The following STAC variants were observed in gnomAD, a reference collection of about 807,000 sequenced individuals.
The protein encoded by STAC is SH3 and cysteine rich domain.
STAC carries 43 observed loss-of-function variants against 48.8 expected under a neutral mutation model. The observed-to-expected ratio is 0.88, with a 90% CI of 0.69 to 1.14. The LOEUF is 1.14. STAC is among the 50% of genes most tolerant of loss of function. STAC has a pLI of 0.00. For missense variants in STAC, 497 were observed against 504.0 expected, an observed-to-expected ratio of 0.99 and a Z score of 0.13; for synonymous variants, 193 against 179.5, an observed-to-expected ratio of 1.07 and a Z score of -0.60.
At chr3:36,461,183 G>A (rs930263215) in intron 2 of STAC, among the ~76,000 whole-genome samples, 8 of 152,156 alleles carry the variant, frequency 5.3e-5, no homozygotes, top group African/African-American at 1.7e-4. Context: ...ATTTTATGAA[G>A]TTCCCCACCC....
At position 36,389,959 on chromosome 3, in the gene STAC, C is replaced by G. The variant is rs115748059; in HGVS notation, c.111+9205C>G. Among the ~76,000 whole-genome samples, 1,126 of 128,840 alleles carry G rather than the reference C, an allele frequency of 8.7e-3. 10 individuals are homozygous for G. Among genetic ancestry groups the G allele is most frequent in the Non-Finnish European group, 0.015 (892 of 60,162 alleles). 84.5% of individuals were successfully genotyped at this position (128,840 alleles called of 152,430 possible). A position where few individuals can be genotyped will look rare whatever the true frequency, so the allele number is the denominator to read the frequency against. On this transcript the variant is annotated intron_variant, in intron 1 of 10. Coordinates refer to ENST00000273183, the MANE Select transcript of STAC (RefSeq NM_003149.3). Reference sequence around the variant, plus strand: ...TAATTTTGCCTCTGTAACTATAATTCTCTTTCATTTGGGGGGGAAGGGAGT... The same window carrying G: ...TAATTTTGCCTCTGTAACTATAATTGTCTTTCATTTGGGGGGGAAGGGAGT...
chr3:36,423,525 A>T (rs1700492457), intron 1 of STAC, among the ~76,000 whole-genome samples: 1 of 151,896 alleles, frequency 6.6e-6, no homozygotes, highest in Non-Finnish European at 1.5e-5. Flanking sequence ...TACATTGTAT[A>T]TTAGATGCGT....
chr3:36,530,720 G>A (rs1001159256), intron 10 of STAC, among the ~76,000 whole-genome samples: 2 of 150,048 alleles, frequency 1.3e-5, no homozygotes, highest in African/African-American at 2.5e-5. Context: ...CTCAGCCTCC[G>A]GAGCAGCTGG....
chr3:36,497,125 T>A (rs541443271), intron 6 of STAC, among the ~76,000 whole-genome samples: 2 of 152,320 alleles, frequency 1.3e-5, no homozygotes, highest in East Asian at 3.9e-4. Flanking sequence ...AGAGCAGATA[T>A]TTTCCTGGTT....
intron 10 of STAC, among the ~76,000 whole-genome samples, chr3:36,540,379 C>A (rs147920224): frequency 1.7e-3 from 252 of 152,128 alleles, no homozygotes; most frequent in African/African-American, 5.7e-3. Flanking sequence ...AGGGACTTTG[C>A]AGATGTGATG....
At chr3:36,498,956 G>GA (rs1253509026) in intron 6 of STAC, among the ~76,000 whole-genome samples, 2 of 152,114 alleles carry the variant, frequency 1.3e-5, no homozygotes, top group African/African-American at 4.8e-5. Context: ...ACAAAGAAAT[G>GA]AAAATTAGAC....
chr3:36,536,477 C>T (rs1193879709), intron 10 of STAC, among the ~76,000 whole-genome samples: 1 of 152,042 alleles, frequency 6.6e-6, no homozygotes, highest in Non-Finnish European at 1.5e-5. Context: ...ACAAATCTGA[C>T]AAAACCAAGC....
chr3:36,392,322 T>G (rs933328970), intron 1 of STAC, among the ~76,000 whole-genome samples: 1 of 152,088 alleles, frequency 6.6e-6, no homozygotes, highest in African/African-American at 2.4e-5. Flanking sequence ...TCACTTCTTA[T>G]GCTAATATCT....
intron 1 of STAC, among the ~76,000 whole-genome samples, chr3:36,417,492 C>A (rs142992469): frequency 6.6e-6 from 1 of 152,138 alleles, no homozygotes; most frequent in Non-Finnish European, 1.5e-5. Context: ...GTTTGCTTTA[C>A]GGTTTACAGC....
chr3:36,535,257 G>A (rs1007243260), intron 10 of STAC, among the ~76,000 whole-genome samples: 3 of 152,092 alleles, frequency 2.0e-5, no homozygotes, highest in Admixed American at 6.5e-5. Flanking sequence ...GTTCATTCAC[G>A]ATTTGGCTCT....
At chr3:36,533,580 G>C (rs925056143) in intron 10 of STAC, among the ~76,000 whole-genome samples, 2 of 136,834 alleles carry the variant, frequency 1.5e-5, no homozygotes, top group Admixed American at 8.1e-5. Context: ...GAAACCAGAA[G>C]GCAAATTAAA....
intron 2 of STAC, among the ~76,000 whole-genome samples, chr3:36,482,665 A>G (rs1348301724): frequency 6.6e-6 from 1 of 152,242 alleles, no homozygotes; most frequent in African/African-American, 2.4e-5. Flanking sequence ...AGTAAGACAC[A>G]GAAAAGTAGA....
intron 2 of STAC, among the ~76,000 whole-genome samples, chr3:36,450,489 A>G (rs1696645100): frequency 6.6e-6 from 1 of 152,230 alleles, no homozygotes; most frequent in Admixed American, 6.5e-5. Context: ...CACAAAGGTC[A>G]TAATAAGGAT....
At chr3:36,413,673 C>T (rs1245104539) in intron 1 of STAC, among the ~76,000 whole-genome samples, 1 of 152,160 alleles carries the variant, frequency 6.6e-6, no homozygotes, top group East Asian at 1.9e-4. Flanking sequence ...AGCCCATTTA[C>T]ATTTAAGGTT....
intron 1 of STAC, among the ~76,000 whole-genome samples, chr3:36,402,359 C>T (rs1331434476): frequency 6.7e-6 from 1 of 149,502 alleles, no homozygotes; most frequent in Non-Finnish European, 1.5e-5. Context: ...AGAAAGAGGG[C>T]GGTGAGGAAG....
At position 36,546,316 on chromosome 3, in the gene STAC, A is replaced by G. The variant is rs1177462182; in HGVS notation, c.*27A>G. 1.3e-6 allele frequency: 2 copies of G among 1,595,056 alleles called. No homozygotes were observed. The highest frequency in any genetic ancestry group is 1.7e-6 in the Non-Finnish European group (2 of 1,162,854). ...TGCTGGCTCCTCCTCCGTTTGCAGT[A>G]GGCAAGCTCTGCTGCGATGCCTCTG... On this transcript the variant is annotated 3_prime_UTR_variant, in exon 11 of 11. Coordinates refer to ENST00000273183, the MANE Select transcript of STAC (RefSeq NM_003149.3).
intron 8 of STAC, among the ~76,000 whole-genome samples, chr3:36,507,084 T>C (rs1463326886): frequency 1.3e-5 from 2 of 151,930 alleles, no homozygotes; most frequent in Non-Finnish European, 2.9e-5. Context: ...CTCTTATTAT[T>C]TTGTCCTTCC....
intron 10 of STAC, among the ~76,000 whole-genome samples, chr3:36,538,394 G>A (rs142356998): frequency 2.0e-5 from 3 of 152,250 alleles, no homozygotes; most frequent in Admixed American, 2.0e-4. Context: ...TAGATGTACA[G>A]GAATGTGTTT....
At chr3:36,428,082 T>C (rs1274189730) in intron 1 of STAC, among the ~76,000 whole-genome samples, 1 of 152,196 alleles carries the variant, frequency 6.6e-6, no homozygotes, top group Non-Finnish European at 1.5e-5. Flanking sequence ...AGCAGATTTT[T>C]TAATGCTATG....
Sources: allele counts gnomAD v4.1 joint callset (sites outside exome capture counted in the v4.1 genomes callset), GRCh38; gene constraint gnomAD v4.1.1; transcripts MANE v1.5; gene names NCBI Gene and HGNC (gene_info 2026-07-23, HGNC 2026-07-21).